The following FANCM variants were observed in gnomAD, a reference collection of about 807,000 sequenced individuals.
FANCM encodes the protein Fanconi anemia group M protein.
Under a neutral mutation model 199.5 loss-of-function variants are expected in FANCM, and 140 were observed. That is an observed-to-expected ratio of 0.70 (90% confidence interval 0.61 to 0.81). The LOEUF (loss-of-function observed/expected upper bound fraction) is 0.81, where lower values mean the gene tolerates loss of function less well. Among genes scored for constraint, FANCM ranks in the 30% least tolerant of loss-of-function variants. The pLI is 0.00. For missense variants in FANCM, 2,410 were observed against 2,421.4 expected (o/e 1.00, Z 0.10); for synonymous variants, 840 against 836.8 (o/e 1.00, Z -0.07).
intron 20 of FANCM, among the ~76,000 whole-genome samples, chr14:45,192,716 C>G (rs1255985596): frequency 2.0e-5 from 3 of 152,026 alleles, no homozygotes; most frequent in African/African-American, 7.2e-5. Flanking sequence ...GTAGTCCCAG[C>G]TACTCAGCAT....
At chr14:45,184,669 A>AC (rs1889278684) in intron 17 of FANCM, among the ~76,000 whole-genome samples, 2 of 150,694 alleles carry the variant, frequency 1.3e-5, no homozygotes, top group African/African-American at 5.0e-5. Flanking sequence ...TCAAAAAAAA[A>AC]AAAAAAAAAA....
chr14:45,188,031 TA>T (rs1272619192), intron 19 of FANCM, 144 bp downstream of exon 19: 1 of 645,984 alleles, frequency 1.5e-6, no homozygotes, highest in African/African-American at 1.8e-5. Context: ...GAAGCTCGAC[TA>T]AATGGATTCT....
At chr14:45,190,998 G>T (rs1406227070) in intron 20 of FANCM, among the ~76,000 whole-genome samples, 1 of 152,146 alleles carries the variant, frequency 6.6e-6, no homozygotes, top group East Asian at 1.9e-4. Flanking sequence ...CTTCTTAGTA[G>T]CTGGGACTAT....
At position 45,160,542 on chromosome 14, in the gene FANCM, C is replaced by CT. The variant is rs780495771; in HGVS notation, c.1581+1273dup. On this transcript the variant is annotated intron_variant, in intron 9 of 22. Coordinates refer to ENST00000267430, the MANE Select transcript of FANCM (RefSeq NM_020937.4). ...GGTTTCACCATGTTGGTCAGGTATTCTTTTTTTTTTTCTTTTTTTTGAGAC... is the reference window on the plus strand; with the variant it reads ...GGTTTCACCATGTTGGTCAGGTATTCTTTTTTTTTTTTCTTTTTTTTGAGAC... Among the ~76,000 whole-genome samples, 280 of 135,674 alleles carry CT rather than the reference C, an allele frequency of 2.1e-3. 2 individuals are homozygous for CT. The highest frequency in any genetic ancestry group is 0.017 in the East Asian group (78 of 4,622). 89.0% of individuals were successfully genotyped at this position (135,674 alleles called of 152,430 possible).
intron 3 of FANCM, among the ~76,000 whole-genome samples, chr14:45,144,083 T>C (rs1181050228): frequency 6.6e-6 from 1 of 152,110 alleles, no homozygotes; most frequent in Non-Finnish European, 1.5e-5. Flanking sequence ...TATATATTTA[T>C]GGTATATATG....
chr14:45,192,103 T>C (rs972494167), intron 20 of FANCM, among the ~76,000 whole-genome samples: 2 of 152,188 alleles, frequency 1.3e-5, no homozygotes, highest in African/African-American at 4.8e-5. Flanking sequence ...ATGTTGATCT[T>C]AGTCTAGGAT....
In FANCM at chr14:45,188,879, TGAA is replaced by T. The variant is rs765421461; in HGVS notation, c.4865_4867del (p.Glu1622del). ...AGGAGTCTTGCAAAGGCCAATCAAG[TGAA>T]GAAGAAGTTTGTGTTGATTTTAACT... is the stretch of plus-strand genomic sequence containing the variant. On this transcript the variant is annotated inframe_deletion, in exon 20 of 23. Transcript: ENST00000267430. 422 of 1,613,768 alleles carry T rather than the reference TGAA, an allele frequency of 2.6e-4. 1 individual carries two copies. The African/African-American group carries it at 4.0e-3, about 15-fold the overall frequency.
In FANCM at chr14:45,136,433, A is replaced by C; in HGVS notation, c.402A>C (p.Ser134=). 1 of 1,614,152 alleles carries C rather than the reference A, an allele frequency of 6.2e-7. No individual in the cohort carries two copies. Residue 134 remains serine, a synonymous_variant, in exon 1 of 23, where the codon TCA becomes TCC. Transcript: ENST00000267430. The stretch of plus-strand genomic sequence containing the variant: ...ACAATTTCTACCGCTGGTTCCCTTC[A>C]GGAAAGGTGGTCTTCATGGCCCCAA... ...VMYNFYRWFP[S]GKVVFMAPTK... is the part of the protein sequence containing the mutation.
At chr14:45,165,500 A>G (rs2139208566) in intron 10 of FANCM, among the ~76,000 whole-genome samples, 1 of 152,212 alleles carries the variant, frequency 6.6e-6, no homozygotes, top group South Asian at 2.1e-4. Context: ...GTGAACCAAG[A>G]TCCCACCACT....
chr14:45,166,078 A>G (rs1457038186), intron 10 of FANCM, among the ~76,000 whole-genome samples: 1 of 152,058 alleles, frequency 6.6e-6, no homozygotes. Context: ...TTTATGCAGT[A>G]TAACTGCTAA....
Position 45,200,110 on chromosome 14 carries a change from T to A in FANCM, c.*102T>A. 1 of 539,594 alleles carries A rather than the reference T, an allele frequency of 1.9e-6. No homozygotes were observed. Among genetic ancestry groups the A allele is most frequent in the Non-Finnish European group, 2.9e-6 (1 of 344,796 alleles). 33.4% of individuals were successfully genotyped at this position (539,594 alleles called of 1,614,324 possible). ...TTTATTTGTAAATAAGAGAATATTT[T>A]ATTTAAATATTTTATATTGTATACA... On this transcript the variant is annotated 3_prime_UTR_variant, in exon 23 of 23. Transcript: ENST00000267430.
At chr14:45,183,975 A>ATAGAGAAATCTACATT in intron 17 of FANCM, 73 bp downstream of exon 17, 2 of 1,119,114 alleles carry the variant, frequency 1.8e-6, no homozygotes, top group Non-Finnish European at 2.6e-6. Context: ...ACATCAATGT[A>ATAGAGAAATCTACATT]GATTTCTCTA....
At chr14:45,145,367 A>C (rs184181739) in intron 3 of FANCM, among the ~76,000 whole-genome samples, 1 of 152,110 alleles carries the variant, frequency 6.6e-6, no homozygotes, top group Non-Finnish European at 1.5e-5. Context: ...CCCCATGTTC[A>C]TCGTCTCCAG....
In FANCM at chr14:45,176,768, T is replaced by C. The variant is rs1451232891; in HGVS notation, c.4014T>C (p.Ser1338=). The C allele has an allele frequency of 6.2e-7, 1 of 1,611,648 alleles. No homozygotes were observed. The highest frequency in any genetic ancestry group is 1.1e-5 in the South Asian group (1 of 90,718). ...TACCAGTGCAAAAAAAAGTTATGAG[T>C]ACACCACTCTCTAAATCAAACACAT... ...FSLPVQKKVM[S]TPLSKSNTLN... The change falls in exon 14 of 23, where the codon AGT becomes AGC. Residue 1338 remains serine (S), a synonymous_variant. Coordinates refer to ENST00000267430, the MANE Select transcript of FANCM (RefSeq NM_020937.4).
chr14:45,157,066 G>C (rs967289347), intron 8 of FANCM, among the ~76,000 whole-genome samples: 1 of 151,882 alleles, frequency 6.6e-6, no homozygotes. Context: ...TAATTAGCTT[G>C]ATTTAGCCAT....
chr14:45,138,913 AGTAAT>A (rs895825420), intron 2 of FANCM, among the ~76,000 whole-genome samples: 5 of 152,242 alleles, frequency 3.3e-5, no homozygotes, highest in African/African-American at 4.8e-5. Context: ...CGTGAAAAGA[AGTAAT>A]GTATTTGGCT....
At chr14:45,180,607 A>G (rs546891800) in intron 14 of FANCM, among the ~76,000 whole-genome samples, 2 of 151,632 alleles carry the variant, frequency 1.3e-5, no homozygotes, top group African/African-American at 2.4e-5. Context: ...CCAGCTAATT[A>G]TTGTATTTTT....
At chr14:45,174,112 G>T (rs1214994232) in intron 13 of FANCM, among the ~76,000 whole-genome samples, 1 of 152,152 alleles carries the variant, frequency 6.6e-6, no homozygotes, top group East Asian at 1.9e-4. Context: ...AGAGGGCCAG[G>T]TGCGGTGGCT....
chr14:45,177,006 CTCTT>C (rs749159420), intron 14 of FANCM, 30 bp downstream of exon 14: 2 of 1,357,960 alleles, frequency 1.5e-6, no homozygotes, highest in Non-Finnish European at 2.1e-6. Context: ...AAGTCTATAA[CTCTT>C]TCTAGAATAA....
Sources: gnomAD v4.1 joint callset for allele counts (sites outside exome capture counted in the v4.1 genomes callset) on GRCh38, gnomAD v4.1.1 for gene constraint, MANE v1.5 for transcripts, NCBI Gene and HGNC (gene_info 2026-07-23, HGNC 2026-07-21) for gene names.